Variants in EXT1 observed in about 807,000 individuals in gnomAD.
EXT1 encodes the protein exostosin-1.
Under a neutral mutation model 82.5 loss-of-function variants are expected in EXT1, and 20 were observed. The ratio of observed to expected loss-of-function variants is 0.24; its 90% CI spans 0.17 to 0.35. EXT1 has a LOEUF of 0.35. EXT1 is among the 10% of genes least tolerant of loss of function. EXT1 has a pLI of 1.00. For synonymous variants in EXT1, 348 were observed against 350.8 expected, an observed-to-expected ratio of 0.99 and a Z score of 0.09; for missense variants, 757 against 936.5, an observed-to-expected ratio of 0.81 and a Z score of 2.50.
chr8:117,856,686 C>G (rs137935490), intron 1 of EXT1, among the ~76,000 whole-genome samples: 3 of 152,020 alleles, frequency 2.0e-5, no homozygotes, highest in Non-Finnish European at 4.4e-5. Context: ...ATCATAATAG[C>G]GCAAGGTGAA....
chr8:118,043,322 C>A (rs142766759), intron 1 of EXT1, among the ~76,000 whole-genome samples: 1 of 152,204 alleles, frequency 6.6e-6, no homozygotes, highest in African/African-American at 2.4e-5. Flanking sequence ...AACGAAGAGA[C>A]ACTTTATTCA....
chr8:118,020,109 A>G (rs1157435224), intron 1 of EXT1, among the ~76,000 whole-genome samples: 2 of 152,202 alleles, frequency 1.3e-5, no homozygotes, highest in Non-Finnish European at 2.9e-5. Flanking sequence ...AAAATAAGAG[A>G]ACCTAAAATT....
chr8:117,967,637 G>A (rs1814849984), intron 1 of EXT1, among the ~76,000 whole-genome samples: 1 of 152,196 alleles, frequency 6.6e-6, no homozygotes, highest in Non-Finnish European at 1.5e-5. Context: ...CAAATGAGAT[G>A]AGCACTTGGA....
intron 1 of EXT1, among the ~76,000 whole-genome samples, chr8:118,013,113 C>T (rs1815935581): frequency 6.6e-6 from 1 of 152,038 alleles, no homozygotes; most frequent in African/African-American, 2.4e-5. Context: ...CAGCTCACTG[C>T]ACCTCAACAT....
intron 1 of EXT1, among the ~76,000 whole-genome samples, chr8:118,064,880 T>C (rs530356461): frequency 9.5e-4 from 139 of 145,768 alleles, no homozygotes; most frequent in African/African-American, 3.3e-3. Flanking sequence ...TTTTCTGAGA[T>C]GGAGTCTGTC....
chr8:118,100,297 C>T (rs2130020345), intron 1 of EXT1, among the ~76,000 whole-genome samples: 1 of 152,210 alleles, frequency 6.6e-6, no homozygotes, highest in South Asian at 2.1e-4. Flanking sequence ...GCCCCATGTC[C>T]CCTCACAATA....
At chr8:118,066,022 A>G (rs563153108) in intron 1 of EXT1, among the ~76,000 whole-genome samples, 22 of 152,338 alleles carry the variant, frequency 1.4e-4, no homozygotes, top group Non-Finnish European at 2.4e-4. Context: ...GTCCAGTACT[A>G]TCTTAAAAGT....
intron 1 of EXT1, among the ~76,000 whole-genome samples, chr8:118,020,874 A>T (rs1242019267): frequency 6.6e-6 from 1 of 152,226 alleles, no homozygotes; most frequent in African/African-American, 2.4e-5. Flanking sequence ...TACACAGATC[A>T]AATAAAACAA....
chr8:118,058,784 TA>T, intron 1 of EXT1, among the ~76,000 whole-genome samples: 2 of 152,222 alleles, frequency 1.3e-5, no homozygotes. Flanking sequence ...AGAAAAATAT[TA>T]ATAGATATAG....
At chr8:117,985,736 G>A (rs1323829078) in intron 1 of EXT1, among the ~76,000 whole-genome samples, 2 of 152,166 alleles carry the variant, frequency 1.3e-5, no homozygotes, top group African/African-American at 4.8e-5. Flanking sequence ...TCGGAAGGGA[G>A]TAACTACATT....
At position 118,014,954 on chromosome 8, in the gene EXT1, T is replaced by G. The variant is rs146271872; in HGVS notation, c.962+95131A>C. Reference sequence around the variant, plus strand: ...GCTTTTATATGAGGAACAGATCAGCTCATCTAACACTCTGTTTTGGAGCAT... The same window carrying G: ...GCTTTTATATGAGGAACAGATCAGCGCATCTAACACTCTGTTTTGGAGCAT... On this transcript the variant is annotated intron_variant, in intron 1 of 10. Coordinates refer to ENST00000378204, the MANE Select transcript of EXT1 (RefSeq NM_000127.3). 9.2e-3 allele frequency among the ~76,000 whole-genome samples: 1,401 copies of G among 152,320 alleles called. 27 individuals are homozygous for G. The highest frequency in any genetic ancestry group is 0.032 in the African/African-American group (1,344 of 41,570).
chr8:117,976,361 G>A (rs981943060), intron 1 of EXT1, among the ~76,000 whole-genome samples: 4 of 152,162 alleles, frequency 2.6e-5, no homozygotes, highest in Admixed American at 2.0e-4. Flanking sequence ...TCCCAAACTG[G>A]AGACACGCAT....
intron 1 of EXT1, among the ~76,000 whole-genome samples, chr8:118,028,502 AAGATATACATATAT>A (rs1048834488): frequency 2.0e-5 from 3 of 152,156 alleles, no homozygotes; most frequent in Admixed American, 2.0e-4. Flanking sequence ...CAAATGAAAT[AAGATATACATATAT>A]AGATATACAT....
intron 1 of EXT1, among the ~76,000 whole-genome samples, chr8:118,106,955 AT>A (rs1293710770): frequency 1.3e-5 from 2 of 152,192 alleles, no homozygotes; most frequent in African/African-American, 4.8e-5. Flanking sequence ...GACAAAAGAA[AT>A]TTATTTTCTC....
intron 3 of EXT1, chr8:117,831,712 T>C: frequency 2.1e-6 from 1 of 470,446 alleles, no homozygotes; most frequent in Non-Finnish European, 4.4e-6. Context: ...ACCCATGGCA[T>C]TTGACTAAGA....
chr8:118,070,226 C>CTGTGTGTGTGTG lies in EXT1; in HGVS notation c.962+39847_962+39858dup, dbSNP rs36229782. On this transcript the variant is annotated intron_variant, in intron 1 of 10. Coordinates refer to ENST00000378204, the MANE Select transcript of EXT1 (RefSeq NM_000127.3). ...GATTCTTAAAGGACATCATAAATTTCTGTGTGTGTGTGTGTGTGTGTGTGT... is the reference window on the plus strand; with the variant it reads ...GATTCTTAAAGGACATCATAAATTTCTGTGTGTGTGTGTGTGTGTGTGTGTGTGTGTGTGTGT... Among the ~76,000 whole-genome samples, 231 of 133,432 alleles carry CTGTGTGTGTGTG rather than the reference C, an allele frequency of 1.7e-3. 2 individuals are homozygous for CTGTGTGTGTGTG. Among genetic ancestry groups the CTGTGTGTGTGTG allele is most frequent in the African/African-American group, 3.8e-3 (137 of 36,094 alleles). 87.5% of individuals were successfully genotyped at this position (133,432 alleles called of 152,430 possible).
intron 1 of EXT1, among the ~76,000 whole-genome samples, chr8:117,920,595 G>A (rs1008614985): frequency 2.6e-5 from 4 of 152,056 alleles, no homozygotes; most frequent in African/African-American, 9.7e-5. Flanking sequence ...GAAGGAAGAG[G>A]GACTGCTGCT....
At chr8:117,835,356 C>G (rs2129785906) in intron 3 of EXT1, 88 bp downstream of exon 3, 1 of 954,108 alleles carries the variant, frequency 1.0e-6, no homozygotes, top group East Asian at 2.5e-5. Context: ...TTTTATAGAG[C>G]TGACCTTTTG....
At position 117,818,435 on chromosome 8, in the gene EXT1, C is replaced by T. The variant is rs866736802; in HGVS notation, c.1632G>A (p.Lys544=). The change falls in exon 7 of 11, where the codon AAG becomes AAA. Residue 544 remains lysine (K), a splice_region_variant and synonymous_variant. Coordinates refer to ENST00000378204, the MANE Select transcript of EXT1 (RefSeq NM_000127.3). ...VPVVVIEGES[K]VMSSRFLPYD... is the part of the protein sequence containing the mutation. ...CATATAGGTCCCCTTCGAGTCTTAC[C>T]TTGCTCTCTCCTTCAATGACGACGA... 1.2e-6 allele frequency: 2 copies of T among 1,614,068 alleles called. No homozygotes were observed. The highest frequency in any genetic ancestry group is 1.7e-6 in the Non-Finnish European group (2 of 1,179,940).
Sources: allele counts gnomAD v4.1 joint callset (sites outside exome capture counted in the v4.1 genomes callset), GRCh38; gene constraint gnomAD v4.1.1; transcripts MANE v1.5; gene names NCBI Gene and HGNC (gene_info 2026-07-23, HGNC 2026-07-21).